The following IPO9 variants were observed in gnomAD, a reference collection of about 807,000 sequenced individuals.
IPO9 encodes the protein importin-9.
In IPO9, 28 loss-of-function variants were observed where a neutral mutation model predicts 128.6. The observed-to-expected ratio is 0.22, with a 90% CI of 0.16 to 0.30. IPO9 has a LOEUF of 0.30. Among genes scored for constraint, IPO9 ranks in the 10% least tolerant of loss-of-function variants. The pLI, the probability that IPO9 is intolerant of heterozygous loss-of-function variation, is 1.00. For missense variants in IPO9, 935 were observed against 1,293.9 expected (o/e 0.72, Z 4.26); for synonymous variants, 455 against 475.8 (o/e 0.96, Z 0.57).
intron 1 of IPO9, among the ~76,000 whole-genome samples, chr1:201,843,433 AAGAC>A (rs942454143): frequency 2.0e-5 from 3 of 152,264 alleles, no homozygotes; most frequent in South Asian, 2.1e-4. Context: ...TGCGGGAAAA[AAGAC>A]AGAAAGAAGT....
rs372935656 is a variant in IPO9 at position 201,855,193 on chromosome 1, T to C, written c.970+11T>C. 5 of 1,553,574 alleles carry C rather than the reference T, an allele frequency of 3.2e-6. No homozygotes were observed. Among genetic ancestry groups the C allele is most frequent in the Non-Finnish European group, 4.4e-6 (5 of 1,128,442 alleles). On this transcript the variant is annotated intron_variant, in intron 9 of 23. Transcript: ENST00000361565. ...CTGTGGATTCTGATGGTATGTAGTTTATTTGATCTTTATAGAAATACCAGT... is the reference window on the plus strand; with the variant it reads ...CTGTGGATTCTGATGGTATGTAGTTCATTTGATCTTTATAGAAATACCAGT...
At chr1:201,869,084 C>T (rs1680605573) in intron 16 of IPO9, among the ~76,000 whole-genome samples, 1 of 152,106 alleles carries the variant, frequency 6.6e-6, no homozygotes, top group African/African-American at 2.4e-5. Context: ...AACCCTATCT[C>T]TACTAAAAAT....
At chr1:201,847,382 C>T in intron 2 of IPO9, 42 bp downstream of exon 2, 1 of 1,564,768 alleles carries the variant, frequency 6.4e-7, no homozygotes, top group Non-Finnish European at 8.8e-7. Context: ...TTTCCCTTTC[C>T]TTGGTAATGA....
chr1:201,868,714 G>A lies in IPO9; in HGVS notation c.1922G>A (p.Gly641Asp). ...KELSQIEACQ[G>D]PMQMRLIPTL... ...CTGTCCCAGATTGAAGCCTGTCAGG[G>A]CCCAATGCAAATGAGGCTGATTCCC... Residue 641 changes from glycine (G) to aspartate (D), a missense_variant, in exon 16 of 24, where the codon GGC (glycine) becomes GAC (aspartate). By Grantham distance (94) the Gly-to-Asp change is moderately conservative (BLOSUM62 -1). Coordinates refer to ENST00000361565, the MANE Select transcript of IPO9 (RefSeq NM_018085.5). 6.2e-7 allele frequency: 1 copy of A among 1,613,976 alleles called. No individual in the cohort carries two copies. Among genetic ancestry groups the A allele is most frequent in the South Asian group, 1.1e-5 (1 of 91,040 alleles).
chr1:201,859,207 A>ATATATAT (rs1491106859), intron 13 of IPO9, among the ~76,000 whole-genome samples: 3 of 140,530 alleles, frequency 2.1e-5, no homozygotes, highest in South Asian at 2.3e-4. Context: ...ATATATATAT[A>ATATATAT]AAGGAAACTC....
At chr1:201,846,177 A>G (rs1213953807) in intron 1 of IPO9, among the ~76,000 whole-genome samples, 2 of 152,234 alleles carry the variant, frequency 1.3e-5, no homozygotes, top group Non-Finnish European at 2.9e-5. Flanking sequence ...AGTTACTTAC[A>G]GCCTCCCAAT....
Position 201,872,854 on chromosome 1 carries a change from AGCATGGCATCAAT to A in IPO9, c.2607_2619del (p.His869GlnfsTer11). 6.2e-7 allele frequency: 1 copy of A among 1,613,808 alleles called. No homozygotes were observed. The highest frequency in any genetic ancestry group is 8.5e-7 in the Non-Finnish European group (1 of 1,179,866). ...TCTGTGGCACTCTGTAAGCTGCTCC[AGCATGGCATCAAT>A]GCAGATGACAAACGGCTACAGGATA... is the stretch of plus-strand genomic sequence containing the variant. On this transcript the variant is annotated frameshift_variant, in exon 20 of 24. Coordinates refer to ENST00000361565, the MANE Select transcript of IPO9 (RefSeq NM_018085.5). LOFTEE classifies it high-confidence loss of function.
Position 201,876,058 on chromosome 1 carries a change from G to C in IPO9, c.*4G>C, listed in dbSNP as rs776629536. On this transcript the variant is annotated 3_prime_UTR_variant, in exon 24 of 24. Transcript: ENST00000361565. ...TCTACAGACCATCGGCATCTAAAAA[G>C]GGGAGCCTTTCTACATTTGCTCCTT... The C allele has an allele frequency of 1.9e-6, 3 of 1,589,624 alleles. No homozygotes were observed. Among genetic ancestry groups the C allele is most frequent in the Non-Finnish European group, 2.6e-6 (3 of 1,157,698 alleles).
At chr1:201,863,193 A>G (rs1680481873) in intron 13 of IPO9, among the ~76,000 whole-genome samples, 1 of 152,150 alleles carries the variant, frequency 6.6e-6, no homozygotes, top group Admixed American at 6.5e-5. Context: ...TCTACTAAAA[A>G]TACAAAAAAT....
At chr1:201,833,841 A>G (rs1333618315) in intron 1 of IPO9, among the ~76,000 whole-genome samples, 3 of 152,026 alleles carry the variant, frequency 2.0e-5, no homozygotes, top group Non-Finnish European at 4.4e-5. Context: ...GCTAGAGTGC[A>G]GTGGTGTGAT....
rs1172438857 is a variant in IPO9 at position 201,870,486 on chromosome 1, G to C, written c.2134-97G>C. The C allele has an allele frequency of 5.1e-6, 7 of 1,363,318 alleles. No individual in the cohort carries two copies. The highest frequency in any genetic ancestry group is 6.9e-6 in the Non-Finnish European group (7 of 1,007,514). 84.5% of individuals were successfully genotyped at this position (1,363,318 alleles called of 1,614,324 possible). On this transcript the variant is annotated intron_variant, in intron 17 of 23. Coordinates refer to ENST00000361565, the MANE Select transcript of IPO9 (RefSeq NM_018085.5). This position sits in a 1 kb window ranked among gnomAD's most constrained non-coding sequence, Gnocchi z 4.9. ...CATTATAGACTCACCGCTTTTATGAGGCATAGGCCTCTGGGAACATTTGTT... is the reference window on the plus strand; with the variant it reads ...CATTATAGACTCACCGCTTTTATGACGCATAGGCCTCTGGGAACATTTGTT...
chr1:201,871,790 C>A (rs993523469), intron 19 of IPO9, among the ~76,000 whole-genome samples: 1 of 152,088 alleles, frequency 6.6e-6, no homozygotes, highest in African/African-American at 2.4e-5. Context: ...TTATTGCTAA[C>A]GCACATATGT....
Position 201,870,509 on chromosome 1 carries a change from G to C in IPO9, c.2134-74G>C. On this transcript the variant is annotated intron_variant, in intron 17 of 23. Coordinates refer to ENST00000361565, the MANE Select transcript of IPO9 (RefSeq NM_018085.5). The surrounding 1 kb of genome is among the most constrained non-coding windows in gnomAD (Gnocchi z 4.9). ...GAGGCATAGGCCTCTGGGAACATTT[G>C]TTTATACAGACTGAGGGCCTTCTGG... The C allele has an allele frequency of 3.3e-6, 5 of 1,525,518 alleles. No homozygotes were observed. Among genetic ancestry groups the C allele is most frequent in the Non-Finnish European group, 4.4e-6 (5 of 1,130,082 alleles). 94.5% of individuals were successfully genotyped at this position (1,525,518 alleles called of 1,614,324 possible).
intron 1 of IPO9, among the ~76,000 whole-genome samples, chr1:201,845,009 C>A (rs1680098786): frequency 6.7e-6 from 1 of 148,464 alleles, no homozygotes. Flanking sequence ...ATATTGATAC[C>A]AGTATTTTTT....
intron 14 of IPO9, 82 bp downstream of exon 14, chr1:201,863,689 T>C (rs1177000798): frequency 2.0e-5 from 26 of 1,302,620 alleles, no homozygotes; most frequent in South Asian, 7.2e-5. Flanking sequence ...CAGTGTATTA[T>C]GTTGCTTGGA....
At chr1:201,864,686 A>G (rs1390930951) in intron 14 of IPO9, among the ~76,000 whole-genome samples, 7 of 152,258 alleles carry the variant, frequency 4.6e-5, no homozygotes, top group African/African-American at 1.7e-4. Context: ...ATTACTTTCC[A>G]GAGTGTTTTA....
rs749013226 is a variant in IPO9 at position 201,871,303 on chromosome 1, A to G, written c.2552A>G (p.Tyr851Cys). 6.6e-6 allele frequency: 10 copies of G among 1,513,236 alleles called. No homozygotes were observed. The East Asian group carries it at 2.7e-4, about 41-fold the overall frequency. 93.7% of individuals were successfully genotyped at this position (1,513,236 alleles called of 1,614,324 possible). A position where few individuals can be genotyped will look rare whatever the true frequency, so the allele number is the denominator to read the frequency against. ...TGGACAAGCCGACAGCACCTGTTCT[A>G]TGGACAGTATGAAGGCAAAGTCAGG... ...AEWTSRQHLF[Y>C]GQYEGKVSSV... Residue 851 changes from tyrosine (Y) to cysteine (C), a missense_variant, in exon 19 of 24, where the codon TAT (tyrosine) becomes TGT (cysteine). Around this residue, in one of 3 missense-constraint regions of IPO9, gnomAD observed 188 missense variants for 246.7 expected, o/e 0.76. Coordinates refer to ENST00000361565, the MANE Select transcript of IPO9 (RefSeq NM_018085.5).
chr1:201,859,687 C>T (rs890973912), intron 13 of IPO9, among the ~76,000 whole-genome samples: 3 of 152,172 alleles, frequency 2.0e-5, no homozygotes, highest in Admixed American at 6.5e-5. Context: ...AGGCCAGGCG[C>T]GATGGCTCAT....
At chr1:201,840,400 G>T (rs1265468952) in intron 1 of IPO9, among the ~76,000 whole-genome samples, 3 of 152,168 alleles carry the variant, frequency 2.0e-5, no homozygotes, top group African/African-American at 7.2e-5. Context: ...AACACATTCT[G>T]TTGGCAAGAC....
Sources: gnomAD v4.1 joint callset for allele counts (sites outside exome capture counted in the v4.1 genomes callset) on GRCh38, gnomAD v4.1.1 for gene constraint, gnomAD v4.1.1 regional missense constraint, Gnocchi (gnomAD v3.1) non-coding constraint, MANE v1.5 for transcripts, NCBI Gene and HGNC (gene_info 2026-07-23, HGNC 2026-07-21) for gene names.